FSTL4: variants seen among roughly 807,000 people sequenced by gnomAD.
FSTL4 encodes follistatin-related protein 4.
Under a neutral mutation model 78.2 loss-of-function variants are expected in FSTL4, and 28 were observed. That is an observed-to-expected ratio of 0.36 (90% CI 0.27 to 0.49). The LOEUF is 0.49. Among genes scored for constraint, FSTL4 ranks in the 20% least tolerant of loss-of-function variants. The pLI is 0.98. For missense variants in FSTL4, 922 were observed against 1,084.9 expected (o/e 0.85, Z 2.11); for synonymous variants, 422 against 440.5 (o/e 0.96, Z 0.53).
the FSTL4 span, among the ~76,000 whole-genome samples, chr5:133,818,634 G>A: frequency 7.2e-5 from 11 of 151,884 alleles, no homozygotes; most frequent in East Asian, 1.9e-4. Context: ...GCCTACTCAC[G>A]AAGTGCATTG....
chr5:133,748,186 C>T, the FSTL4 span, among the ~76,000 whole-genome samples: 1 of 148,602 alleles, frequency 6.7e-6, no homozygotes, highest in Non-Finnish European at 1.5e-5. Flanking sequence ...GAACGAGACT[C>T]CGTCTCAAAA....
chr5:133,435,854 C>T (rs566550847), intron 3 of FSTL4, among the ~76,000 whole-genome samples: 11 of 152,284 alleles, frequency 7.2e-5, no homozygotes, highest in Non-Finnish European at 1.3e-4. Flanking sequence ...AGTGTTGTTG[C>T]CTTGAATTCT....
chr5:133,235,798 C>T (rs1751643136), intron 7 of FSTL4, among the ~76,000 whole-genome samples: 1 of 152,198 alleles, frequency 6.6e-6, no homozygotes, highest in African/African-American at 2.4e-5. Flanking sequence ...GCTGATTTGT[C>T]CTGTATCATA....
At chr5:133,417,292 C>T (rs1317450267) in intron 3 of FSTL4, among the ~76,000 whole-genome samples, 2 of 149,888 alleles carry the variant, frequency 1.3e-5, no homozygotes, top group Non-Finnish European at 3.0e-5. Flanking sequence ...TCAATGAATT[C>T]AAAGACAGGT....
intron 3 of FSTL4, among the ~76,000 whole-genome samples, chr5:133,536,625 T>C (rs550714938): frequency 6.6e-6 from 1 of 152,224 alleles, no homozygotes; most frequent in East Asian, 1.9e-4. Context: ...AAAATAACAA[T>C]ACAGTGATTA....
chr5:133,384,772 AGTCCACACTCCTTAACCTGATG>A (rs914431754), intron 4 of FSTL4, among the ~76,000 whole-genome samples: 2 of 152,204 alleles, frequency 1.3e-5, no homozygotes, highest in Non-Finnish European at 2.9e-5. Flanking sequence ...TCCAGGAGAA[AGTCCACACTCCTTAACCTGATG>A]GTCCAGGTCT....
At chr5:133,663,281 G>T in the FSTL4 span, among the ~76,000 whole-genome samples, 1 of 152,180 alleles carries the variant, frequency 6.6e-6, no homozygotes, top group East Asian at 1.9e-4. Context: ...ACTGTCCCAC[G>T]CACAGTTTAG....
intron 3 of FSTL4, among the ~76,000 whole-genome samples, chr5:133,478,369 G>A (rs1477521796): frequency 1.3e-5 from 2 of 152,188 alleles, no homozygotes; most frequent in Admixed American, 6.5e-5. Context: ...TGAGCAAGTC[G>A]TCTGTCTCTG....
chr5:133,686,256 A>T, the FSTL4 span, among the ~76,000 whole-genome samples: 1 of 152,218 alleles, frequency 6.6e-6, no homozygotes, highest in Non-Finnish European at 1.5e-5. Context: ...TCTACTCACT[A>T]GCTCTGCACC....
chr5:133,748,656 G>A, the FSTL4 span, among the ~76,000 whole-genome samples: 1 of 152,206 alleles, frequency 6.6e-6, no homozygotes, highest in African/African-American at 2.4e-5. Context: ...CCTGCTCAGG[G>A]AGCTGGGCAG....
chr5:133,608,338 G>T (rs1368887065), intron 1 of FSTL4, among the ~76,000 whole-genome samples: 3 of 152,216 alleles, frequency 2.0e-5, no homozygotes, highest in Non-Finnish European at 4.4e-5. Flanking sequence ...TTGGAAGGGA[G>T]GTGTTTCATT....
chr5:133,313,307 GT>G (rs1184415716), intron 5 of FSTL4, among the ~76,000 whole-genome samples: 1 of 152,056 alleles, frequency 6.6e-6, no homozygotes, highest in African/African-American at 2.4e-5. Flanking sequence ...AGACCCCTCC[GT>G]TCTATCCACC....
chr5:133,601,189 G>T (rs1200887685), intron 2 of FSTL4, among the ~76,000 whole-genome samples: 4 of 152,224 alleles, frequency 2.6e-5, no homozygotes, highest in Non-Finnish European at 5.9e-5. Context: ...TGATGGTCTG[G>T]TCTGAATTTT....
chr5:133,279,387 C>T (rs1752961990), intron 6 of FSTL4, among the ~76,000 whole-genome samples: 2 of 152,220 alleles, frequency 1.3e-5, no homozygotes, highest in Non-Finnish European at 2.9e-5. Context: ...TGTCCGAAAC[C>T]ATCTCTGTTC....
the FSTL4 span, among the ~76,000 whole-genome samples, chr5:133,821,840 G>T: frequency 6.6e-6 from 1 of 152,162 alleles, no homozygotes; most frequent in Admixed American, 6.5e-5. Context: ...GAGAAAAGGA[G>T]ACTGGTCGGA....
At chr5:133,328,828 A>G (rs1043344570) in intron 4 of FSTL4, among the ~76,000 whole-genome samples, 2 of 152,144 alleles carry the variant, frequency 1.3e-5, no homozygotes, top group African/African-American at 4.8e-5. Flanking sequence ...AATTTTATTA[A>G]TTTTGTTTCC....
chr5:133,393,235 C>G (rs1373052288), intron 4 of FSTL4, among the ~76,000 whole-genome samples: 1 of 152,146 alleles, frequency 6.6e-6, no homozygotes, highest in Non-Finnish European at 1.5e-5. Context: ...GAGAGACAGT[C>G]CGTAAAGATT....
the FSTL4 span, among the ~76,000 whole-genome samples, chr5:133,620,759 C>G: frequency 6.6e-6 from 1 of 152,124 alleles, no homozygotes; most frequent in Non-Finnish European, 1.5e-5. Context: ...TGTTACATAC[C>G]AACAGGCTTT....
intron 3 of FSTL4, among the ~76,000 whole-genome samples, chr5:133,449,619 C>T (rs543462845): frequency 6.6e-6 from 1 of 152,226 alleles, no homozygotes; most frequent in South Asian, 2.1e-4. Flanking sequence ...GGAGAGCCTT[C>T]CTCAAGCAAC....
Sources: allele counts gnomAD v4.1 joint callset (sites outside exome capture counted in the v4.1 genomes callset), GRCh38; gene constraint gnomAD v4.1.1; transcripts MANE v1.5; gene names NCBI Gene and HGNC (gene_info 2026-07-23, HGNC 2026-07-21).